The following TUBGCP5 variants were observed in gnomAD, a reference collection of about 807,000 sequenced individuals.
TUBGCP5 encodes the protein gamma-tubulin complex component 5.
TUBGCP5 carries 98 observed loss-of-function variants against 134.7 expected under a neutral mutation model. That is an observed-to-expected ratio of 0.73 (90% CI 0.62 to 0.86). TUBGCP5 has a LOEUF of 0.86. TUBGCP5 is among the 40% of genes least tolerant of loss of function. TUBGCP5 has a pLI of 0.00. For synonymous variants in TUBGCP5, 456 were observed against 431.4 expected (o/e 1.06, Z -0.71); for missense variants, 1,150 against 1,244.8 (o/e 0.92, Z 1.15).
At chr15:23,005,859 G>T in intron 18 of TUBGCP5, 193 bp downstream of exon 18, 1 of 667,868 alleles carries the variant, frequency 1.5e-6, no homozygotes, top group Non-Finnish European at 2.4e-6. Flanking sequence ...TTTCTTTCAG[G>T]CATTTGATGT....
intron 23 of TUBGCP5, among the ~76,000 whole-genome samples, chr15:22,989,170 T>C (rs1458980154): frequency 6.6e-6 from 1 of 152,164 alleles, no homozygotes; most frequent in African/African-American, 2.4e-5. Flanking sequence ...CCATCTGCAA[T>C]TTTAATTCTC....
chr15:22,985,834 C>CAAAA (rs60178499), intron 23 of TUBGCP5, among the ~76,000 whole-genome samples: 1 of 149,356 alleles, frequency 6.7e-6, no homozygotes, highest in African/African-American at 2.5e-5. Context: ...GACTCCATCT[C>CAAAA]AAAAAAAAGA....
chr15:23,019,407 T>G (rs1369519532), intron 11 of TUBGCP5, 73 bp from the exon 12 acceptor site: 2 of 920,656 alleles, frequency 2.2e-6, no homozygotes, highest in East Asian at 5.2e-5. Context: ...TTTAAACATT[T>G]CTGAAATGCC....
intron 11 of TUBGCP5, among the ~76,000 whole-genome samples, chr15:23,019,734 C>T (rs2065554968): frequency 1.3e-5 from 2 of 151,258 alleles, no homozygotes; most frequent in Admixed American, 1.3e-4. Flanking sequence ...CAGGTGGAGG[C>T]TGCAATGAGC....
chr15:23,001,369 C>T lies in TUBGCP5; in HGVS notation c.2928-700G>A, dbSNP rs148250003. 7.1e-3 allele frequency among the ~76,000 whole-genome samples: 1,060 copies of T among 148,624 alleles called. 11 individuals carry two copies. Among genetic ancestry groups the T allele is most frequent in the African/African-American group, 0.025 (997 of 40,332 alleles). Reference sequence around the variant, plus strand: ...CCTTTTTTTTTTTTAGACAGAGTTTCGCTCTTGTTGCCCAGGCTGGAGTGC... The same window carrying T: ...CCTTTTTTTTTTTTAGACAGAGTTTTGCTCTTGTTGCCCAGGCTGGAGTGC... On this transcript the variant is annotated intron_variant, in intron 21 of 22. Coordinates refer to ENST00000615383, the MANE Select transcript of TUBGCP5 (RefSeq NM_052903.6).
chr15:22,987,430 CT>C (rs2063712763), intron 23 of TUBGCP5, among the ~76,000 whole-genome samples: 1 of 151,906 alleles, frequency 6.6e-6, no homozygotes, highest in Non-Finnish European at 1.5e-5. Flanking sequence ...CTCTGGTAAA[CT>C]GAAAAAGCAT....
chr15:23,005,416 T>C lies in TUBGCP5; in HGVS notation c.2712+16A>G, dbSNP rs1238623383. The C allele has an allele frequency of 6.2e-7, 1 of 1,612,446 alleles. No individual in the cohort carries two copies. The highest frequency in any genetic ancestry group is 8.5e-7 in the Non-Finnish European group (1 of 1,179,004). ...GATACGACGATAGAACTGAAGCAGA[T>C]GGGAGAGGCACAAACCCTGGTCATG... On this transcript the variant is annotated intron_variant, in intron 19 of 22. Coordinates refer to ENST00000615383, the MANE Select transcript of TUBGCP5 (RefSeq NM_052903.6).
Position 23,032,779 on chromosome 15 carries a change from C to A in TUBGCP5, c.355G>T (p.Asp119Tyr). 6.3e-7 allele frequency: 1 copy of A among 1,596,206 alleles called. No homozygotes were observed. The highest frequency in any genetic ancestry group is 8.5e-7 in the Non-Finnish European group (1 of 1,173,618). ...SILSLLLCLS[D>Y]SPSNSSYVET... ...ACATAACTGCTGTTTGAAGGAGAGTCTGACAGACACAGAAGAAGTGACAGT... is the reference window on the plus strand; with the variant it reads ...ACATAACTGCTGTTTGAAGGAGAGTATGACAGACACAGAAGAAGTGACAGT... Residue 119 changes from aspartate to tyrosine, a missense_variant, in exon 4 of 23, where the codon GAC (aspartate) becomes TAC (tyrosine). Physicochemically the swap from Asp to Tyr is radical, Grantham distance 160 (BLOSUM62 -3). This residue lies in a region of TUBGCP5 where 453 missense variants were observed against 394.7 expected (regional missense o/e 1.15). Transcript: ENST00000615383.
chr15:22,991,151 G>A (rs1300324844), intron 23 of TUBGCP5, among the ~76,000 whole-genome samples: 1 of 151,486 alleles, frequency 6.6e-6, no homozygotes, highest in East Asian at 1.9e-4. Context: ...AGGCTGGAGT[G>A]CAGTGGCGCG....
chr15:23,024,311 A>T, intron 9 of TUBGCP5, 118 bp from the exon 10 acceptor site: 1 of 1,111,686 alleles, frequency 9.0e-7, no homozygotes, highest in East Asian at 2.4e-5. Flanking sequence ...TGTTTAGTAG[A>T]AGACAAAGTA....
At position 23,006,306 on chromosome 15, in the gene TUBGCP5, G is replaced by A. The variant is rs370829274; in HGVS notation, c.2374C>T (p.Pro792Ser). 1 of 1,609,402 alleles carries A rather than the reference G, an allele frequency of 6.2e-7. No homozygotes were observed. The highest frequency in any genetic ancestry group is 8.5e-7 in the Non-Finnish European group (1 of 1,179,120). Residue 792 changes from proline (P) to serine (S), a missense_variant, in exon 17 of 23, where the codon CCT (proline) becomes TCT (serine). Coordinates refer to ENST00000615383, the MANE Select transcript of TUBGCP5 (RefSeq NM_052903.6). Reference sequence around the variant, plus strand: ...GTCAGACCATCTAAGATATGAACAGGCAGCTTCTTCTTAGCTGTGTCAACA... The same window carrying A: ...GTCAGACCATCTAAGATATGAACAGACAGCTTCTTCTTAGCTGTGTCAACA... ...ENVDTAKKKL[P>S]VHILDGLTLS...
chr15:23,031,168 G>T, intron 5 of TUBGCP5, 148 bp from the exon 6 acceptor site: 1 of 651,000 alleles, frequency 1.5e-6, no homozygotes, highest in Non-Finnish European at 2.5e-6. Context: ...TAAATCTCTT[G>T]GAAGTGCCTA....
At chr15:22,988,559 C>A (rs181743049) in intron 23 of TUBGCP5, among the ~76,000 whole-genome samples, 5 of 151,266 alleles carry the variant, frequency 3.3e-5, no homozygotes, top group East Asian at 2.0e-4. Context: ...CAGTGAAACC[C>A]CGTCTCTACT....
In TUBGCP5 at chr15:23,004,123, G is replaced by C. The variant is rs757493727; in HGVS notation, c.2817C>G (p.Asp939Glu). 1 of 1,612,042 alleles carries C rather than the reference G, an allele frequency of 6.2e-7. No homozygotes were observed. The highest frequency in any genetic ancestry group is 8.5e-7 in the Non-Finnish European group (1 of 1,179,444). ...IHYRYLSTIH[D>E]RCLLREKVSF... is the part of the protein sequence containing the mutation. ...GTACCTTTTCTCTCAGCAGACACCG[G>C]TCATGGATGGTTGACAGATACCTAT... Residue 939 changes from aspartate to glutamate, a missense_variant, in exon 20 of 23, where the codon GAC becomes GAG. This residue lies in a region of TUBGCP5 where 697 missense variants were observed against 850.1 expected (regional missense o/e 0.82). Coordinates refer to ENST00000615383, the MANE Select transcript of TUBGCP5 (RefSeq NM_052903.6).
At chr15:23,028,765 G>A (rs753073871) in intron 6 of TUBGCP5, among the ~76,000 whole-genome samples, 9 of 152,166 alleles carry the variant, frequency 5.9e-5, no homozygotes, top group African/African-American at 2.2e-4. Flanking sequence ...ATGAGCTGTT[G>A]CTTCTGCTAC....
intron 23 of TUBGCP5, among the ~76,000 whole-genome samples, chr15:22,990,792 C>T (rs534073146): frequency 6.6e-6 from 1 of 152,134 alleles, no homozygotes; most frequent in African/African-American, 2.4e-5. Context: ...TCTGAAGGGG[C>T]CCTAAATCCA....
intron 23 of TUBGCP5, among the ~76,000 whole-genome samples, chr15:22,988,549 C>A (rs1018472804): frequency 6.6e-6 from 1 of 151,284 alleles, no homozygotes; most frequent in Non-Finnish European, 1.5e-5. Context: ...CTGGCTAACA[C>A]AGTGAAACCC....
intron 23 of TUBGCP5, among the ~76,000 whole-genome samples, chr15:22,990,439 C>A (rs2063812730): frequency 6.6e-6 from 1 of 152,212 alleles, no homozygotes; most frequent in Admixed American, 6.5e-5. Context: ...GAGCATCCAC[C>A]TTCCAACCAC....
chr15:23,030,395 T>C (rs879387739), intron 6 of TUBGCP5, among the ~76,000 whole-genome samples: 2 of 152,170 alleles, frequency 1.3e-5, no homozygotes, highest in Non-Finnish European at 2.9e-5. Context: ...CAGTATCCAA[T>C]GGGGACTGGT....
Sources: allele counts gnomAD v4.1 joint callset (sites outside exome capture counted in the v4.1 genomes callset), GRCh38; gene constraint gnomAD v4.1.1; regional missense constraint gnomAD v4.1.1; transcripts MANE v1.5; gene names NCBI Gene and HGNC (gene_info 2026-07-23, HGNC 2026-07-21).